The following HDDC2 variants were observed in gnomAD, a reference collection of about 807,000 sequenced individuals.
HDDC2 encodes HD domain containing 2, also known as 5'-deoxynucleotidase HDDC2.
HDDC2 carries 25 observed loss-of-function variants against 25.5 expected under a neutral mutation model. That is an observed-to-expected ratio of 0.98 (90% CI 0.72 to 1.37). The LOEUF (loss-of-function observed/expected upper bound fraction) is 1.37. Among genes scored for constraint, HDDC2 ranks in the 40% most tolerant of loss-of-function variants. The pLI is 0.00. For synonymous variants in HDDC2, 106 were observed against 89.7 expected (o/e 1.18, Z -1.03); for missense variants, 264 against 253.1 (o/e 1.04, Z -0.29).
Position 125,298,818 on chromosome 6 carries a change from T to G in HDDC2, c.207-2A>C. 1 of 1,607,158 alleles carries G rather than the reference T, an allele frequency of 6.2e-7. No individual in the cohort carries two copies. The highest frequency in any genetic ancestry group is 1.7e-5 in the Admixed American group (1 of 60,026). ...TGAACCAGGGCTAGGCGTACACATCTGATCAGGCAAGAAATGTCGAATAAT... is the reference window on the plus strand; with the variant it reads ...TGAACCAGGGCTAGGCGTACACATCGGATCAGGCAAGAAATGTCGAATAAT... On this transcript the variant is annotated splice_acceptor_variant, in intron 2 of 5. Transcript: ENST00000398153. LOFTEE classifies it high-confidence loss of function.
intron 4 of HDDC2, among the ~76,000 whole-genome samples, chr6:125,290,950 A>G (rs9321033): frequency 0.22 from 32,895 of 152,182 alleles, 4,326 homozygotes; most frequent in African/African-American, 0.37. Context: ...AAAGTTTTTC[A>G]CCAGTTACTG....
chr6:125,297,675 A>G, intron 3 of HDDC2: 1 of 397,064 alleles, frequency 2.5e-6, no homozygotes, highest in Non-Finnish European at 4.4e-6. Context: ...CTGTTAAACC[A>G]TCTCAATAAA....
chr6:125,289,529 A>C (rs1228169984), intron 4 of HDDC2, among the ~76,000 whole-genome samples: 4 of 151,862 alleles, frequency 2.6e-5, no homozygotes, highest in African/African-American at 9.7e-5. Flanking sequence ...AAAAACAAAA[A>C]AAAAACATTT....
intron 3 of HDDC2, 35 bp downstream of exon 3, chr6:125,298,679 G>C: frequency 6.6e-7 from 1 of 1,509,660 alleles, no homozygotes; most frequent in Non-Finnish European, 9.2e-7. Context: ...AGGTTTTTCT[G>C]GTGGTTTTTT....
chr6:125,275,785 A>C lies in HDDC2; in HGVS notation c.*361T>G. ...AGAATCTGTTCTTAAAAGCAATCAT[A>C]ATGAAATTTTCTATTATTCAATGAA... On this transcript the variant is annotated 3_prime_UTR_variant, in exon 6 of 6. Coordinates refer to ENST00000398153, the MANE Select transcript of HDDC2 (RefSeq NM_016063.3). 1 of 191,236 alleles carries C rather than the reference A, an allele frequency of 5.2e-6. No homozygotes were observed. The highest frequency in any genetic ancestry group is 1.1e-5 in the Non-Finnish European group (1 of 93,856). The allele number at this position is 191,236 out of a possible 1,614,324, so 11.8% of individuals were successfully genotyped here. A position where few individuals can be genotyped will look rare whatever the true frequency, so the allele number is the denominator to read the frequency against.
chr6:125,279,568 CAT>C (rs1488724343), intron 4 of HDDC2, among the ~76,000 whole-genome samples: 1 of 152,082 alleles, frequency 6.6e-6, no homozygotes, highest in Admixed American at 6.5e-5. Flanking sequence ...AGGTAATGCA[CAT>C]GTTAATTAGC....
At position 125,291,100 on chromosome 6, in the gene HDDC2, C is replaced by G. The variant is rs1158726610; in HGVS notation, c.378+1741G>C. On this transcript the variant is annotated intron_variant, in intron 4 of 5. Transcript: ENST00000398153. ...TTAGGCGACAATACATGAGGTGCTA[C>G]TGTTTTTTCTTTTATGAATGAGATG... Among the ~76,000 whole-genome samples, 3 of 152,122 alleles carry G rather than the reference C, an allele frequency of 2.0e-5. No individual in the cohort carries two copies. In the East Asian group the frequency reaches 5.8e-4, roughly 29 times the overall value.
intron 4 of HDDC2, among the ~76,000 whole-genome samples, chr6:125,286,764 T>C (rs955495946): frequency 6.6e-6 from 1 of 152,222 alleles, no homozygotes; most frequent in African/African-American, 2.4e-5. Flanking sequence ...CGCCCTGCCA[T>C]TTCTGCTATC....
chr6:125,301,774 C>A lies in HDDC2; in HGVS notation c.84+75G>T, dbSNP rs1385600867. 7 of 1,104,546 alleles carry A rather than the reference C, an allele frequency of 6.3e-6. No homozygotes were observed. The East Asian group carries it at 2.0e-4, about 32-fold the overall frequency. The allele number at this position is 1,104,546 out of a possible 1,614,324, so 68.4% of individuals were successfully genotyped here. Reference sequence around the variant, plus strand: ...GGAAGGGCAAAGACCGCCGGCCGAGCGGGGAGGCCGGAAGCTCCGCCGCCC... The same window carrying A: ...GGAAGGGCAAAGACCGCCGGCCGAGAGGGGAGGCCGGAAGCTCCGCCGCCC... On this transcript the variant is annotated intron_variant, in intron 1 of 5. Transcript: ENST00000398153.
chr6:125,285,342 TAGA>T (rs1798516968), intron 4 of HDDC2, among the ~76,000 whole-genome samples: 2 of 151,598 alleles, frequency 1.3e-5, no homozygotes, highest in Admixed American at 1.3e-4. Flanking sequence ...ATATAAGACA[TAGA>T]AGAACAATAT....
intron 1 of HDDC2, among the ~76,000 whole-genome samples, chr6:125,301,482 G>GCACACACACGCGCGCACACACA (rs1412473241): frequency 2.6e-4 from 31 of 120,416 alleles, no homozygotes; most frequent in African/African-American, 1.0e-3. Flanking sequence ...GGGGTCGTGA[G>GCACACACACGCGCGCACACACA]CACACACACA....
intron 3 of HDDC2, chr6:125,297,565 C>T (rs910109331): frequency 4.9e-6 from 2 of 405,120 alleles, no homozygotes; most frequent in Non-Finnish European, 8.6e-6. Context: ...TTATGTCTTC[C>T]TTTTCTACAA....
At chr6:125,291,320 G>A (rs1330086550) in intron 4 of HDDC2, among the ~76,000 whole-genome samples, 1 of 152,186 alleles carries the variant, frequency 6.6e-6, no homozygotes, top group Non-Finnish European at 1.5e-5. Flanking sequence ...TATTCAACGA[G>A]ATAGGTATTG....
intron 3 of HDDC2, 156 bp from the exon 4 acceptor site, chr6:125,293,065 G>A: frequency 1.4e-6 from 1 of 710,156 alleles, no homozygotes; most frequent in Non-Finnish European, 2.6e-6. Flanking sequence ...AGCTTGTGAG[G>A]AAGGCAGGCA....
intron 3 of HDDC2, 38 bp downstream of exon 3, chr6:125,298,676 T>A: frequency 6.7e-7 from 1 of 1,496,444 alleles, no homozygotes. Context: ...AAGAGGTTTT[T>A]CTGGTGGTTT....
chr6:125,278,499 T>C (rs1798407864), intron 4 of HDDC2: 1 of 152,188 alleles, frequency 6.6e-6, no homozygotes, highest in African/African-American at 2.4e-5. Context: ...TTAAAAGAAA[T>C]ATAAATTATT....
chr6:125,278,479 C>T (rs566439313), intron 4 of HDDC2: 1 of 152,248 alleles, frequency 6.6e-6, no homozygotes, highest in South Asian at 2.1e-4. Context: ...CATGAACTTA[C>T]AGATTTCTTT....
intron 3 of HDDC2, among the ~76,000 whole-genome samples, chr6:125,297,832 C>T (rs1033023047): frequency 3.3e-5 from 5 of 152,160 alleles, no homozygotes; most frequent in South Asian, 2.1e-4. Context: ...ATATCTTCCT[C>T]GTTTGCCCTG....
At chr6:125,300,364 TACA>T (rs568028543) in intron 2 of HDDC2, 171 bp downstream of exon 2, 491 of 735,016 alleles carry the variant, frequency 6.7e-4, no homozygotes, top group Non-Finnish European at 8.7e-4. Flanking sequence ...GATTGCAGTT[TACA>T]ACAACTGAGG....
Sources: gnomAD v4.1 joint callset for allele counts (sites outside exome capture counted in the v4.1 genomes callset) on GRCh38, gnomAD v4.1.1 for gene constraint, MANE v1.5 for transcripts, NCBI Gene and HGNC (gene_info 2026-07-23, HGNC 2026-07-21) for gene names.